DNAH6: variants seen among roughly 807,000 people sequenced by gnomAD.
DNAH6 encodes dynein axonemal heavy chain 6.
A neutral mutation model predicts 491.4 loss-of-function variants in DNAH6; 340 were observed. The observed-to-expected ratio is 0.69, with a 90% CI of 0.63 to 0.76. The LOEUF (loss-of-function observed/expected upper bound fraction) is 0.76. Among genes scored for constraint, DNAH6 ranks in the 30% least tolerant of loss-of-function variants. DNAH6 has a pLI of 0.00. For synonymous variants in DNAH6, 1,603 were observed against 1,686.1 expected (o/e 0.95, Z 1.21); for missense variants, 4,443 against 4,972.2 (o/e 0.89, Z 3.20).
intron 14 of DNAH6, among the ~76,000 whole-genome samples, chr2:84,580,699 TA>T (rs1026702320): frequency 6.6e-6 from 1 of 152,192 alleles, no homozygotes; most frequent in African/African-American, 2.4e-5. Context: ...TAAATTGTCC[TA>T]GGAGTCTAAA....
intron 14 of DNAH6, among the ~76,000 whole-genome samples, chr2:84,580,891 G>A (rs576577837): frequency 6.6e-6 from 1 of 152,244 alleles, no homozygotes; most frequent in South Asian, 2.1e-4. Context: ...GAATGGGACA[G>A]CTGTAGGACG....
Position 84,549,963 on chromosome 2 carries a change from T to G in DNAH6, c.1391T>G (p.Leu464Trp). The part of the protein sequence containing the change: ...ILTVNAVNSL[L>W]NHLTDKLKRT... ...ACGGTAAATGCTGTTAATTCGCTTT[T>G]GAACCATCTCACTGACAAGCTAAAA... is the stretch of plus-strand genomic sequence containing the variant. Residue 464 changes from leucine to tryptophan, a missense_variant, in exon 9 of 77, where the codon TTG (leucine) becomes TGG (tryptophan). Around this residue, in one of 3 missense-constraint regions of DNAH6, gnomAD observed 2,977 missense variants for 3,296.6 expected, o/e 0.90. Coordinates refer to ENST00000389394, the MANE Select transcript of DNAH6 (RefSeq NM_001370.2). The G allele has an allele frequency of 1.9e-6, 3 of 1,614,042 alleles. No homozygotes were observed. Among genetic ancestry groups the G allele is most frequent in the Non-Finnish European group, 2.5e-6 (3 of 1,179,924 alleles).
In DNAH6 at chr2:84,670,311, A is replaced by G; in HGVS notation, c.6307-17A>G. 6 of 1,476,086 alleles carry G rather than the reference A, an allele frequency of 4.1e-6. No individual in the cohort carries two copies. Among genetic ancestry groups the G allele is most frequent in the Non-Finnish European group, 5.5e-6 (6 of 1,089,536 alleles). 91.4% of individuals were successfully genotyped at this position (1,476,086 alleles called of 1,614,324 possible). Reference sequence around the variant, plus strand: ...GGTTATATTCATGTGACATTAATTAACTTATTTTAATTTAAGTCTGTGATT... The same window carrying G: ...GGTTATATTCATGTGACATTAATTAGCTTATTTTAATTTAAGTCTGTGATT... On this transcript the variant is annotated splice_polypyrimidine_tract_variant and intron_variant, in intron 38 of 76. Transcript: ENST00000389394.
intron 63 of DNAH6, among the ~76,000 whole-genome samples, chr2:84,761,135 G>A (rs1336688273): frequency 2.6e-5 from 4 of 151,950 alleles, no homozygotes; most frequent in Non-Finnish European, 5.9e-5. Flanking sequence ...TACTATATTC[G>A]ACCATAAAAA....
intron 18 of DNAH6, among the ~76,000 whole-genome samples, chr2:84,603,424 C>G (rs1685455541): frequency 1.3e-5 from 2 of 152,012 alleles, no homozygotes; most frequent in African/African-American, 4.8e-5. Context: ...TTCTATTTTC[C>G]TCTGACCTTG....
At chr2:84,498,796 G>A in the DNAH6 span, among the ~76,000 whole-genome samples, 1 of 151,898 alleles carries the variant, frequency 6.6e-6, no homozygotes, top group African/African-American at 2.4e-5. Flanking sequence ...ACCCCTCACT[G>A]TCCCTTAGGT....
intron 64 of DNAH6, among the ~76,000 whole-genome samples, chr2:84,779,636 C>A (rs766522311): frequency 1.3e-5 from 2 of 152,024 alleles, no homozygotes; most frequent in Non-Finnish European, 2.9e-5. Flanking sequence ...CACTTATATC[C>A]AAGGTTAATA....
intron 4 of DNAH6, among the ~76,000 whole-genome samples, chr2:84,530,063 GC>G (rs1337283176): frequency 6.6e-6 from 1 of 152,192 alleles, no homozygotes; most frequent in Non-Finnish European, 1.5e-5. Context: ...CAATCGTTCA[GC>G]AAAATTTATT....
the DNAH6 span, among the ~76,000 whole-genome samples, chr2:84,509,094 C>A: frequency 6.6e-6 from 1 of 152,136 alleles, no homozygotes; most frequent in African/African-American, 2.4e-5. Context: ...CCACTTGGTG[C>A]AGAGCTGAGT....
At position 84,797,610 on chromosome 2, in the gene DNAH6, T is replaced by A; in HGVS notation, c.11433T>A (p.Asp3811Glu). 1 of 1,551,684 alleles carries A rather than the reference T, an allele frequency of 6.4e-7. No individual in the cohort carries two copies. The highest frequency in any genetic ancestry group is 8.7e-7 in the Non-Finnish European group (1 of 1,146,892). ...KDYIENLPLI[D>E]DPEIFGMHEN... ...ACATTGAAAATCTGCCTTTGATCGA[T>A]GACCCAGAAATTTTTGGAATGCATG... Residue 3811 changes from aspartate (D) to glutamate (E), a missense_variant, in exon 70 of 77, where the codon GAT (aspartate) becomes GAA (glutamate). Asp to Glu is a conservative substitution (Grantham distance 45). Transcript: ENST00000389394.
intron 30 of DNAH6, among the ~76,000 whole-genome samples, chr2:84,635,315 A>G (rs1237320887): frequency 6.6e-6 from 1 of 152,246 alleles, no homozygotes. Flanking sequence ...GCTCACACTT[A>G]TTTCATCTTA....
intron 41 of DNAH6, among the ~76,000 whole-genome samples, chr2:84,679,064 T>C (rs1383830691): frequency 1.3e-5 from 2 of 151,918 alleles, no homozygotes; most frequent in African/African-American, 4.8e-5. Flanking sequence ...TTGGATATAA[T>C]CAAGAATTGA....
At chr2:84,673,944 T>C (rs1692981984) in intron 40 of DNAH6, among the ~76,000 whole-genome samples, 1 of 152,116 alleles carries the variant, frequency 6.6e-6, no homozygotes, top group African/African-American at 2.4e-5. Context: ...ATCAAGTTGA[T>C]ATTCAGTATT....
Position 84,673,923 on chromosome 2 carries a change from C to G in DNAH6, c.6612+1439C>G, listed in dbSNP as rs184375645. ...CACACCCAGGATCAATACTTTGTAT[C>G]CTTCAATCCAATCAAGTTGATATTC... is the stretch of plus-strand genomic sequence containing the variant. On this transcript the variant is annotated intron_variant, in intron 40 of 76. Transcript: ENST00000389394. 5.9e-5 allele frequency among the ~76,000 whole-genome samples: 9 copies of G among 152,248 alleles called. No homozygotes were observed. The East Asian group carries it at 1.7e-3, about 29-fold the overall frequency.
At chr2:84,720,525 G>A (rs1011644565) in intron 59 of DNAH6, among the ~76,000 whole-genome samples, 7 of 151,740 alleles carry the variant, frequency 4.6e-5, no homozygotes, top group African/African-American at 1.2e-4. Context: ...TGATCCGCCC[G>A]CCTCGGCCTC....
chr2:84,481,985 G>A, the DNAH6 span, among the ~76,000 whole-genome samples: 2 of 152,124 alleles, frequency 1.3e-5, no homozygotes, highest in African/African-American at 4.8e-5. Context: ...TCTAAGAGAA[G>A]TCACACCCCG....
At chr2:84,798,976 T>C (rs987935798) in intron 70 of DNAH6, among the ~76,000 whole-genome samples, 22 of 150,888 alleles carry the variant, frequency 1.5e-4, no homozygotes, top group African/African-American at 4.9e-4. Context: ...GTCACTCCTC[T>C]TTTTTTCTTT....
At chr2:84,784,625 A>G (rs1432781519) in intron 65 of DNAH6, 97 bp from the exon 66 acceptor site, 24 of 748,372 alleles carry the variant, frequency 3.2e-5, no homozygotes, top group Non-Finnish European at 6.6e-6. Context: ...AGCTTATAGC[A>G]TTTTTTCCTT....
At chr2:84,569,631 A>G (rs916825790) in intron 11 of DNAH6, among the ~76,000 whole-genome samples, 1 of 152,230 alleles carries the variant, frequency 6.6e-6, no homozygotes, top group Non-Finnish European at 1.5e-5. Context: ...TATTTTGGCC[A>G]TGTATCCTGT....
Sources: allele counts gnomAD v4.1 joint callset (sites outside exome capture counted in the v4.1 genomes callset), GRCh38; gene constraint gnomAD v4.1.1; regional missense constraint gnomAD v4.1.1; transcripts MANE v1.5; gene names NCBI Gene and HGNC (gene_info 2026-07-23, HGNC 2026-07-21).